The following ALOX5 variants were observed in gnomAD, a reference collection of about 807,000 sequenced individuals.
ALOX5 encodes the protein arachidonate 5-lipoxygenase.
In ALOX5, 64 loss-of-function variants were observed where a neutral mutation model predicts 87.9. The observed-to-expected ratio is 0.73, with a 90% confidence interval of 0.60 to 0.90. The LOEUF is 0.90. Ranked by LOEUF, ALOX5 falls within the 40% of genes least tolerant of loss-of-function variation. ALOX5 has a pLI of 0.00. For missense variants in ALOX5, 822 were observed against 907.5 expected, an observed-to-expected ratio of 0.91 and a Z score of 1.21; for synonymous variants, 388 against 355.1, an observed-to-expected ratio of 1.09 and a Z score of -1.04.
intron 11 of ALOX5, 29 bp downstream of exon 11, chr10:45,443,566 G>A (rs1842320607): frequency 2.5e-6 from 4 of 1,602,248 alleles, no homozygotes; most frequent in Non-Finnish European, 3.4e-6. Context: ...CTCCGGACCC[G>A]GCTCCCCCGC....
chr10:45,421,375 G>T (rs1375117627), intron 4 of ALOX5, among the ~76,000 whole-genome samples: 3 of 152,212 alleles, frequency 2.0e-5, no homozygotes, highest in African/African-American at 7.2e-5. Context: ...GGGACCACCC[G>T]GGACCTCAGG....
At chr10:45,421,964 G>A (rs982421134) in intron 4 of ALOX5, among the ~76,000 whole-genome samples, 2 of 152,186 alleles carry the variant, frequency 1.3e-5, no homozygotes, top group African/African-American at 2.4e-5. Context: ...ACTCACAAAG[G>A]CCTCTAGCCT....
chr10:45,414,310 C>A (rs1283318949), intron 4 of ALOX5, among the ~76,000 whole-genome samples: 1 of 152,162 alleles, frequency 6.6e-6, no homozygotes, highest in East Asian at 1.9e-4. Flanking sequence ...TGATCTTTGA[C>A]AAACCTGACA....
chr10:45,445,399 T>C (rs1842404825), intron 13 of ALOX5, 109 bp from the exon 14 acceptor site: 7 of 1,329,678 alleles, frequency 5.3e-6, no homozygotes, highest in Non-Finnish European at 4.2e-6. Flanking sequence ...GAATAGATGC[T>C]CCCTCCTTCA....
At chr10:45,438,472 G>T (rs532982393) in intron 7 of ALOX5, among the ~76,000 whole-genome samples, 1 of 152,030 alleles carries the variant, frequency 6.6e-6, no homozygotes, top group Admixed American at 6.5e-5. Flanking sequence ...GGGGCTCCTC[G>T]GCCCCAGAGG....
At chr10:45,436,319 C>A (rs760419827) in intron 7 of ALOX5, among the ~76,000 whole-genome samples, 1 of 152,100 alleles carries the variant, frequency 6.6e-6, no homozygotes, top group South Asian at 2.1e-4. Context: ...GTCATAAATT[C>A]TTTGCCTAGG....
At chr10:45,399,901 A>G (rs1186706645) in intron 3 of ALOX5, among the ~76,000 whole-genome samples, 2 of 152,252 alleles carry the variant, frequency 1.3e-5, no homozygotes, top group Non-Finnish European at 2.9e-5. Flanking sequence ...AATATGCTCA[A>G]CATTATTAAT....
chr10:45,443,203 G>A lies in ALOX5; in HGVS notation c.1438G>A (p.Glu480Lys), dbSNP rs748836216. The A allele has an allele frequency of 6.2e-7, 1 of 1,613,468 alleles. No individual in the cohort carries two copies. Among genetic ancestry groups the A allele is most frequent in the Non-Finnish European group, 8.5e-7 (1 of 1,179,892 alleles). ...CCGGGACGACGGGCTCCTGGTGTGG[G>A]AAGCCATCAGGACGTGAGCGCCCGC... ...FYRDDGLLVWEAIRTFTAEVV... is the reference protein window; with the variant it reads ...FYRDDGLLVWKAIRTFTAEVV... Residue 480 changes from glutamate to lysine, a missense_variant, in exon 10 of 14, where the codon GAA becomes AAA. Glu to Lys is a moderately conservative substitution (Grantham distance 56, BLOSUM62 1). Coordinates refer to ENST00000374391, the MANE Select transcript of ALOX5 (RefSeq NM_000698.5).
chr10:45,428,545 C>A, intron 6 of ALOX5, 73 bp from the exon 7 acceptor site: 1 of 1,582,764 alleles, frequency 6.3e-7, no homozygotes, highest in Middle Eastern at 2.0e-4. Flanking sequence ...CAGAGGTCAT[C>A]ACTCTTTCCC....
intron 4 of ALOX5, among the ~76,000 whole-genome samples, chr10:45,416,409 CAGT>C (rs1275359150): frequency 6.6e-6 from 1 of 152,172 alleles, no homozygotes; most frequent in Non-Finnish European, 1.5e-5. Flanking sequence ...AGTAATGCAG[CAGT>C]ATCCACCATC....
intron 2 of ALOX5, among the ~76,000 whole-genome samples, chr10:45,390,305 A>T (rs1840172487): frequency 6.6e-6 from 1 of 152,224 alleles, no homozygotes; most frequent in Non-Finnish European, 1.5e-5. Context: ...TAACAAGGAT[A>T]TCCAGGAATT....
chr10:45,392,909 G>A (rs1840344273), intron 2 of ALOX5, among the ~76,000 whole-genome samples: 1 of 152,130 alleles, frequency 6.6e-6, no homozygotes, highest in Admixed American at 6.5e-5. Context: ...CCAGGAAGAA[G>A]TTGAATCCCT....
rs753136580 is a variant in ALOX5, at chr10:45,382,678, C to T, written c.346C>T (p.Arg116Cys). ...TGTCGAGGTTGTCCTGAGGGATGGA[C>T]GCGGTGAGCAGCTCAGGCCCCTTCT... ...GDVEVVLRDG[R>C]AKLARDDQIH... The change falls in exon 2 of 14, where the codon CGC (arginine) becomes TGC (cysteine). Residue 116 changes from arginine (R) to cysteine (C), a missense_variant. Physicochemically the swap from Arg to Cys is radical, Grantham distance 180. Transcript: ENST00000374391. 1.8e-5 allele frequency: 29 copies of T among 1,611,710 alleles called. No homozygotes were observed. The African/African-American group carries it at 2.0e-4, about 11-fold the overall frequency.
intron 3 of ALOX5, among the ~76,000 whole-genome samples, chr10:45,396,832 C>A (rs1227569212): frequency 6.6e-6 from 1 of 152,136 alleles, no homozygotes; most frequent in East Asian, 1.9e-4. Flanking sequence ...GCAAACCTAA[C>A]CCAGAAGTAT....
At chr10:45,443,992 G>A (rs528926302) in intron 12 of ALOX5, 124 bp from the exon 13 acceptor site, 2 of 1,437,642 alleles carry the variant, frequency 1.4e-6, no homozygotes, top group East Asian at 2.5e-5. Flanking sequence ...TGGCCGCGGG[G>A]AAAGAGGATG....
chr10:45,395,489 G>A (rs1021616521), intron 2 of ALOX5, among the ~76,000 whole-genome samples: 1 of 152,068 alleles, frequency 6.6e-6, no homozygotes, highest in African/African-American at 2.4e-5. Context: ...ATAGCATTAG[G>A]AGATATAACT....
intron 4 of ALOX5, among the ~76,000 whole-genome samples, chr10:45,416,048 T>C (rs1841279211): frequency 6.6e-6 from 1 of 152,186 alleles, no homozygotes; most frequent in Non-Finnish European, 1.5e-5. Flanking sequence ...GGACCCTGGC[T>C]TTGAGTCTGC....
At chr10:45,444,417 G>A (rs1842366746) in intron 13 of ALOX5, 131 bp downstream of exon 13, 1 of 1,280,818 alleles carries the variant, frequency 7.8e-7, no homozygotes, top group Non-Finnish European at 1.0e-6. Context: ...AGGCTGGAAG[G>A]GCCCAGAAGG....
chr10:45,413,386 TCAA>T (rs1267152798), intron 4 of ALOX5, among the ~76,000 whole-genome samples: 2 of 152,296 alleles, frequency 1.3e-5, no homozygotes, highest in African/African-American at 4.8e-5. Context: ...TTGACAAAAT[TCAA>T]CAACCATTCA....
Sources: gnomAD v4.1 joint callset for allele counts (sites outside exome capture counted in the v4.1 genomes callset) on GRCh38, gnomAD v4.1.1 for gene constraint, MANE v1.5 for transcripts, NCBI Gene and HGNC (gene_info 2026-07-23, HGNC 2026-07-21) for gene names.